The following MECOM variants were observed in gnomAD, a reference collection of about 807,000 sequenced individuals.
The protein encoded by MECOM is MDS1 and EVI1 complex locus.
A neutral mutation model predicts 116.3 loss-of-function variants in MECOM; 13 were observed. That is an observed-to-expected ratio of 0.11 (90% confidence interval 0.07 to 0.18). The LOEUF (loss-of-function observed/expected upper bound fraction) is 0.18, where lower values mean the gene tolerates loss of function less well. MECOM is among the 10% of genes least tolerant of loss of function. The pLI is 1.00. For synonymous variants in MECOM, 528 were observed against 535.2 expected (o/e 0.99, Z 0.19); for missense variants, 1,299 against 1,509.0 (o/e 0.86, Z 2.31).
intron 1 of MECOM, among the ~76,000 whole-genome samples, chr3:169,512,415 G>A (rs1380950382): frequency 6.6e-6 from 1 of 152,144 alleles, no homozygotes; most frequent in Non-Finnish European, 1.5e-5. Flanking sequence ...ATCTCTGTGA[G>A]AGGCATCTAT....
intron 2 of MECOM, among the ~76,000 whole-genome samples, chr3:169,265,453 T>G (rs752978516): frequency 2.6e-5 from 4 of 152,248 alleles, no homozygotes; most frequent in Non-Finnish European, 4.4e-5. Context: ...GCGATTATTG[T>G]CTCTAATTTG....
At chr3:169,233,036 T>C (rs1207385080) in intron 2 of MECOM, among the ~76,000 whole-genome samples, 1 of 152,092 alleles carries the variant, frequency 6.6e-6, no homozygotes, top group Non-Finnish European at 1.5e-5. Flanking sequence ...AATTATGCTC[T>C]ATAATTGTGG....
chr3:169,634,632 A>G (rs1772497814), intron 1 of MECOM, among the ~76,000 whole-genome samples: 2 of 152,182 alleles, frequency 1.3e-5, no homozygotes, highest in Non-Finnish European at 2.9e-5. Context: ...GCATCCAGAC[A>G]TCAGTGGGAT....
chr3:169,438,565 A>G (rs192748691), intron 1 of MECOM, among the ~76,000 whole-genome samples: 2 of 152,358 alleles, frequency 1.3e-5, no homozygotes, highest in East Asian at 3.9e-4. Context: ...TTGAGAGCTT[A>G]TCCCAGGGGA....
chr3:169,094,637 C>T (rs1200095304), intron 13 of MECOM, among the ~76,000 whole-genome samples: 1 of 152,198 alleles, frequency 6.6e-6, no homozygotes, highest in African/African-American at 2.4e-5. Flanking sequence ...GAGAGGTTCT[C>T]TGAGCTGCAG....
At chr3:169,148,024 A>C (rs1251496261) in intron 2 of MECOM, among the ~76,000 whole-genome samples, 5 of 152,142 alleles carry the variant, frequency 3.3e-5, no homozygotes, top group Admixed American at 6.5e-5. Flanking sequence ...GCATTAAAAA[A>C]AATTTTTTTA....
At chr3:169,661,202 T>G (rs954626723) in intron 1 of MECOM, among the ~76,000 whole-genome samples, 3 of 152,126 alleles carry the variant, frequency 2.0e-5, no homozygotes, top group Non-Finnish European at 2.9e-5. Context: ...TCAGAAGTTA[T>G]CGGGCAGTGA....
Position 169,145,086 on chromosome 3 carries a change from A to G in MECOM, c.376-1254T>C, listed in dbSNP as rs1223935066. On this transcript the variant is annotated intron_variant, in intron 2 of 16. Coordinates refer to ENST00000651503, the MANE Select transcript of MECOM (RefSeq NM_004991.4). ...TTGGCCATGAGGAAATTGAAGGGCA[A>G]TAAGTCGTCCCAAAATTTAAAAAAG... 11 of 1,507,402 alleles carry G rather than the reference A, an allele frequency of 7.3e-6. No individual in the cohort carries two copies. In the East Asian group the frequency reaches 1.5e-4, roughly 20 times the overall value. 93.4% of individuals were successfully genotyped at this position (1,507,402 alleles called of 1,614,324 possible). A position where few individuals can be genotyped will look rare whatever the true frequency, so the allele number is the denominator to read the frequency against.
In MECOM at chr3:169,527,919, T is replaced by C. The variant is rs572215626; in HGVS notation, c.37+135417A>G. On this transcript the variant is annotated intron_variant, in intron 1 of 16. Transcript: ENST00000651503. The stretch of plus-strand genomic sequence containing the variant: ...TGGTAGGACTTTGCTAACTGTGTCA[T>C]CTGTCTGTCTATAGAAGTTTGATGT... 1.8e-3 allele frequency among the ~76,000 whole-genome samples: 271 copies of C among 152,346 alleles called. 6 individuals carry two copies. In the South Asian group the frequency reaches 0.053, roughly 30 times the overall value.
chr3:169,453,925 A>G (rs897515587), intron 1 of MECOM, among the ~76,000 whole-genome samples: 8 of 152,172 alleles, frequency 5.3e-5, no homozygotes, highest in Admixed American at 5.2e-4. Flanking sequence ...GATAATAAAA[A>G]AAAAACTCTG....
intron 1 of MECOM, among the ~76,000 whole-genome samples, chr3:169,655,595 T>C (rs751028089): frequency 4.1e-4 from 62 of 152,340 alleles, no homozygotes; most frequent in Non-Finnish European, 7.5e-4. Flanking sequence ...CAAAGGAAGA[T>C]GCTCAAGTTT....
chr3:169,239,257 G>A (rs914658282), intron 2 of MECOM, among the ~76,000 whole-genome samples: 6 of 151,942 alleles, frequency 3.9e-5, no homozygotes, highest in Non-Finnish European at 7.4e-5. Context: ...TCATTTTGTT[G>A]GAGGAGAATT....
At chr3:169,364,880 C>A (rs1041667308) in intron 2 of MECOM, among the ~76,000 whole-genome samples, 13 of 152,002 alleles carry the variant, frequency 8.6e-5, no homozygotes, top group Non-Finnish European at 1.5e-4. Context: ...ATGGCATCTA[C>A]CGTATTTAAT....
intron 2 of MECOM, among the ~76,000 whole-genome samples, chr3:169,329,313 A>G (rs1722355711): frequency 6.6e-6 from 1 of 152,272 alleles, no homozygotes; most frequent in Admixed American, 6.5e-5. Flanking sequence ...GCTTTAAGCT[A>G]TATTCAATTG....
At chr3:169,641,957 T>C (rs1485671647) in intron 1 of MECOM, among the ~76,000 whole-genome samples, 1 of 152,194 alleles carries the variant, frequency 6.6e-6, no homozygotes, top group Non-Finnish European at 1.5e-5. Flanking sequence ...AAATTGGAAT[T>C]AAGCTCTCTT....
At chr3:169,151,139 T>C (rs1741114723) in intron 2 of MECOM, among the ~76,000 whole-genome samples, 1 of 152,198 alleles carries the variant, frequency 6.6e-6, no homozygotes, top group African/African-American at 2.4e-5. Context: ...GAAGTAAAAG[T>C]TCTGCTAATG....
intron 2 of MECOM, among the ~76,000 whole-genome samples, chr3:169,150,849 G>A (rs757375114): frequency 6.6e-6 from 1 of 152,136 alleles, no homozygotes; most frequent in African/African-American, 2.4e-5. Context: ...GCAGGGCTGG[G>A]GTGGGAGAGG....
chr3:169,416,367 G>A (rs1263995087), intron 1 of MECOM, among the ~76,000 whole-genome samples: 2 of 152,108 alleles, frequency 1.3e-5, no homozygotes, highest in Admixed American at 6.6e-5. Context: ...CTAGGATACA[G>A]CTAAAGCAGA....
chr3:169,166,311 T>G (rs1034578402), intron 2 of MECOM, among the ~76,000 whole-genome samples: 1 of 152,194 alleles, frequency 6.6e-6, no homozygotes, highest in African/African-American at 2.4e-5. Flanking sequence ...GCGTTGCTTA[T>G]TTTCAGGACT....
Sources: allele counts gnomAD v4.1 joint callset (sites outside exome capture counted in the v4.1 genomes callset), GRCh38; gene constraint gnomAD v4.1.1; transcripts MANE v1.5; gene names NCBI Gene and HGNC (gene_info 2026-07-23, HGNC 2026-07-21).